Variants in IL1RAPL1 observed in about 807,000 individuals in gnomAD.
The protein encoded by IL1RAPL1 is interleukin-1 receptor accessory protein-like 1.
In IL1RAPL1, 3 loss-of-function variants were observed where a neutral mutation model predicts 48.4. The ratio of observed to expected loss-of-function variants is 0.06; its 90% CI spans 0.03 to 0.16. The LOEUF (loss-of-function observed/expected upper bound fraction) is 0.16, where lower values mean the gene tolerates loss of function less well. IL1RAPL1 is among the 10% of genes least tolerant of loss of function. The pLI, the probability that IL1RAPL1 is intolerant of heterozygous loss-of-function variation, is 1.00. For synonymous variants in IL1RAPL1, 185 were observed against 187.7 expected, an observed-to-expected ratio of 0.99 and a Z score of 0.12; for missense variants, 349 against 530.6, an observed-to-expected ratio of 0.66 and a Z score of 3.36.
At chrX:29,258,312 A>G (rs1365183603) in intron 2 of IL1RAPL1, among the ~76,000 whole-genome samples, 1 of 111,845 alleles carries the variant, frequency 8.9e-6, no homozygotes, top group African/African-American at 3.2e-5. Context: ...AATGTGAGCG[A>G]TTAGGTAAAG....
chrX:29,082,711 C>T (rs886945756), intron 2 of IL1RAPL1, among the ~76,000 whole-genome samples: 1 of 111,802 alleles, frequency 8.9e-6, no homozygotes, highest in African/African-American at 3.3e-5. Flanking sequence ...TTTTCTTTTA[C>T]GTGCACATGA....
intron 2 of IL1RAPL1, among the ~76,000 whole-genome samples, chrX:28,895,873 A>C (rs968192714): frequency 8.9e-6 from 1 of 112,128 alleles, no homozygotes; most frequent in East Asian, 2.8e-4. Context: ...AGCCGAGAAG[A>C]TCTGGGAAGG....
intron 6 of IL1RAPL1, among the ~76,000 whole-genome samples, chrX:29,720,173 A>G (rs1348750909): frequency 1.8e-5 from 2 of 111,806 alleles, no homozygotes; most frequent in Non-Finnish European, 3.8e-5. Context: ...AATTAGTTCA[A>G]CCATTGTGGA....
chrX:29,046,216 TA>T (rs60842211), intron 2 of IL1RAPL1, among the ~76,000 whole-genome samples: 6,200 of 102,211 alleles, frequency 0.061, 218 homozygotes, highest in African/African-American at 0.11. Context: ...ACTAGCTAAT[TA>T]AAAAAAAAAA....
At chrX:29,922,946 C>A (rs775925161) in intron 8 of IL1RAPL1, among the ~76,000 whole-genome samples, 1 of 111,009 alleles carries the variant, frequency 9.0e-6, no homozygotes, top group Non-Finnish European at 1.9e-5. Flanking sequence ...GAATACTGAT[C>A]TTGTATACCA....
At chrX:28,679,834 C>T (rs1935038080) in intron 1 of IL1RAPL1, among the ~76,000 whole-genome samples, 1 of 111,631 alleles carries the variant, frequency 9.0e-6, no homozygotes, top group Admixed American at 9.5e-5. Context: ...TATGCCATCG[C>T]CATACTGTTT....
intron 2 of IL1RAPL1, among the ~76,000 whole-genome samples, chrX:28,868,106 AG>A (rs1487144670): frequency 1.8e-5 from 2 of 111,773 alleles, no homozygotes; most frequent in Non-Finnish European, 3.8e-5. Flanking sequence ...TACAAAAAAA[AG>A]TATAGTCACC....
At chrX:29,045,478 T>A (rs530949325) in intron 2 of IL1RAPL1, among the ~76,000 whole-genome samples, 2 of 111,946 alleles carry the variant, frequency 1.8e-5, no homozygotes, top group East Asian at 5.6e-4. Flanking sequence ...GGAAACACAT[T>A]TTTTTGAGAC....
At chrX:29,905,058 C>A (rs757920034) in intron 6 of IL1RAPL1, among the ~76,000 whole-genome samples, 1 of 112,017 alleles carries the variant, frequency 8.9e-6, no homozygotes, top group African/African-American at 3.2e-5. Context: ...ACTTAATAAT[C>A]GCCATTCTGA....
intron 6 of IL1RAPL1, among the ~76,000 whole-genome samples, chrX:29,672,286 A>C (rs2147101562): frequency 8.9e-6 from 1 of 112,238 alleles, no homozygotes; most frequent in East Asian, 2.8e-4. Flanking sequence ...ACATATTTTC[A>C]GAATTCTTAC....
intron 2 of IL1RAPL1, among the ~76,000 whole-genome samples, chrX:29,117,461 C>T (rs914280959): frequency 8.9e-6 from 1 of 112,249 alleles, no homozygotes; most frequent in Non-Finnish European, 1.9e-5. Flanking sequence ...GTAAGAAACA[C>T]AACTTCGTGG....
chrX:29,600,196 C>A (rs1408675930), intron 5 of IL1RAPL1, among the ~76,000 whole-genome samples: 4 of 112,038 alleles, frequency 3.6e-5, no homozygotes, highest in Non-Finnish European at 5.6e-5. Context: ...TGTTCAGATT[C>A]TTTTGTCCCG....
rs12014912 is a variant in IL1RAPL1 at position 29,467,856 on chromosome X, T to C, written c.703+68548T>C. ...GCAATTCTGCTGTCTTTTATTTTTATTTTTATTTATTTTATTTTTTTAGAT... is the reference window on the plus strand; with the variant it reads ...GCAATTCTGCTGTCTTTTATTTTTACTTTTATTTATTTTATTTTTTTAGAT... On this transcript the variant is annotated intron_variant, in intron 5 of 10. Coordinates refer to ENST00000378993, the MANE Select transcript of IL1RAPL1 (RefSeq NM_014271.4). Among the ~76,000 whole-genome samples, 5 of 111,782 alleles carry C rather than the reference T, an allele frequency of 4.5e-5. No homozygotes were observed. In the South Asian group the frequency reaches 1.9e-3, roughly 42 times the overall value.
At chrX:29,585,992 C>T (rs1304558014) in intron 5 of IL1RAPL1, among the ~76,000 whole-genome samples, 1 of 111,072 alleles carries the variant, frequency 9.0e-6, no homozygotes, top group Non-Finnish European at 1.9e-5. Context: ...TATAAGTTGC[C>T]TCTTCATTCT....
intron 2 of IL1RAPL1, among the ~76,000 whole-genome samples, chrX:29,128,440 A>G (rs1273923864): frequency 9.0e-6 from 1 of 111,048 alleles, no homozygotes; most frequent in Non-Finnish European, 1.9e-5. Flanking sequence ...TATTCCTGCT[A>G]TTTCCTTTGC....
At chrX:29,783,937 A>AT (rs887774480) in intron 6 of IL1RAPL1, among the ~76,000 whole-genome samples, 12 of 110,984 alleles carry the variant, frequency 1.1e-4, no homozygotes, top group South Asian at 3.8e-4. Context: ...TCATGAACCA[A>AT]TTTTTTTTTA....
intron 1 of IL1RAPL1, among the ~76,000 whole-genome samples, chrX:28,699,167 T>C (rs985396207): frequency 1.8e-5 from 2 of 112,240 alleles, no homozygotes; most frequent in Non-Finnish European, 3.8e-5. Context: ...GAGAATGAAT[T>C]TCTATTTGGG....
intron 5 of IL1RAPL1, among the ~76,000 whole-genome samples, chrX:29,626,723 T>C (rs1249062552): frequency 8.9e-6 from 1 of 112,064 alleles, no homozygotes; most frequent in Non-Finnish European, 1.9e-5. Context: ...TTCTCTACAG[T>C]GTTTGGATCA....
At chrX:29,590,557 G>A (rs1434031328) in intron 5 of IL1RAPL1, among the ~76,000 whole-genome samples, 1 of 111,568 alleles carries the variant, frequency 9.0e-6, no homozygotes, top group Non-Finnish European at 1.9e-5. Flanking sequence ...CATGTTTCCT[G>A]TGAAACCCAC....
Sources: allele counts gnomAD v4.1 joint callset (sites outside exome capture counted in the v4.1 genomes callset), GRCh38; gene constraint gnomAD v4.1.1; transcripts MANE v1.5; gene names NCBI Gene and HGNC (gene_info 2026-07-23, HGNC 2026-07-21).